The following NME5 variants were observed in gnomAD, a reference collection of about 807,000 sequenced individuals.
NME5 encodes the protein nucleoside diphosphate kinase 5.
Under a neutral mutation model 21.6 loss-of-function variants are expected in NME5, and 18 were observed. That is an observed-to-expected ratio of 0.83 (90% confidence interval 0.58 to 1.24). The LOEUF (loss-of-function observed/expected upper bound fraction) is 1.24, where lower values mean the gene tolerates loss of function less well. Among genes scored for constraint, NME5 ranks in the 50% most tolerant of loss-of-function variants. NME5 has a pLI of 0.00. For synonymous variants in NME5, 70 were observed against 80.6 expected, an observed-to-expected ratio of 0.87 and a Z score of 0.71; for missense variants, 223 against 255.4, an observed-to-expected ratio of 0.87 and a Z score of 0.86.
rs1160767525 is a variant in NME5, at chr5:138,115,726, G to C, written c.594C>G (p.Asn198Lys). 1 of 1,576,722 alleles carries C rather than the reference G, an allele frequency of 6.3e-7. No individual in the cohort carries two copies. Among genetic ancestry groups the C allele is most frequent in the Non-Finnish European group, 8.6e-7 (1 of 1,168,558 alleles). The change falls in exon 6 of 6, where the codon AAC (asparagine) becomes AAG (lysine). Residue 198 changes from asparagine to lysine, a missense_variant. By Grantham distance (94) the Asn-to-Lys change is moderately conservative (BLOSUM62 0). Coordinates refer to ENST00000265191, the MANE Select transcript of NME5 (RefSeq NM_003551.3). Reference protein sequence around the residue: ...LADWLLKNNPNKPKLCHHPIV... With the variant: ...LADWLLKNNPKKPKLCHHPIV... ...TTGGATGGTGACAAAGTTTGGGTTT[G>C]TTAGGATTATTTTTCAGCAGCCAAT...
chr5:138,127,268 G>T (rs79123488), intron 4 of NME5, among the ~76,000 whole-genome samples: 1 of 152,054 alleles, frequency 6.6e-6, no homozygotes, highest in Non-Finnish European at 1.5e-5. Context: ...GCATCAGGCC[G>T]TTACCGACCC....
intron 4 of NME5, among the ~76,000 whole-genome samples, chr5:138,126,861 C>A (rs903235920): frequency 5.3e-5 from 8 of 151,874 alleles, no homozygotes; most frequent in African/African-American, 1.9e-4. Context: ...GTGGGAGGAT[C>A]ACTTGAGCCC....
rs573603011 is a variant in NME5, at chr5:138,129,246, C to T, written c.335+17G>A. 3 of 1,583,024 alleles carry T rather than the reference C, an allele frequency of 1.9e-6. No individual in the cohort carries two copies. The highest frequency in any genetic ancestry group is 1.7e-4 in the Middle Eastern group (1 of 6,028). On this transcript the variant is annotated intron_variant, in intron 3 of 5. Transcript: ENST00000265191. ...ATGGATTCCATTCCCTGCCATCCCC[C>T]AAACCCTGAAAATTACCTGTCTGGA...
chr5:138,138,933 C>T, intron 1 of NME5, 148 bp from the exon 2 acceptor site: 1 of 730,792 alleles, frequency 1.4e-6, no homozygotes, highest in Non-Finnish European at 2.2e-6. Flanking sequence ...AAGGTAGAAA[C>T]TGCCATGTTT....
intron 4 of NME5, among the ~76,000 whole-genome samples, chr5:138,125,460 T>C (rs1400378728): frequency 6.6e-6 from 1 of 152,038 alleles, no homozygotes; most frequent in Non-Finnish European, 1.5e-5. Flanking sequence ...ACACCTGTAG[T>C]CCCAGCTACT....
chr5:138,132,020 C>T (rs1482063934), intron 2 of NME5, among the ~76,000 whole-genome samples: 2 of 152,312 alleles, frequency 1.3e-5, no homozygotes, highest in East Asian at 1.9e-4. Flanking sequence ...GCTGGGATTA[C>T]AGGTGTGAGC....
At chr5:138,133,018 T>A (rs1473382410) in intron 2 of NME5, among the ~76,000 whole-genome samples, 1 of 152,154 alleles carries the variant, frequency 6.6e-6, no homozygotes, top group East Asian at 1.9e-4. Flanking sequence ...ATCTGCCACT[T>A]GCCCCTTAAA....
intron 2 of NME5, 129 bp downstream of exon 2, chr5:138,138,523 T>C (rs1322055204): frequency 2.7e-6 from 2 of 749,148 alleles, no homozygotes; most frequent in Non-Finnish European, 4.3e-6. Context: ...ATAACTTTTA[T>C]ACTTAGAAGA....
In NME5 at chr5:138,128,497, G is replaced by A. The variant is rs566327243; in HGVS notation, c.418C>T (p.Arg140Cys). 2.2e-5 allele frequency: 36 copies of A among 1,612,534 alleles called. No individual in the cohort carries two copies. In the Admixed American group the frequency reaches 3.8e-4, roughly 17 times the overall value. Residue 140 changes from arginine (R) to cysteine (C), a missense_variant, in exon 4 of 6, where the codon CGT (arginine) becomes TGT (cysteine). Transcript: ENST00000265191. Reference protein sequence around the residue: ...NDFAAAEREIRFMFPEVIVEP... With the variant: ...NDFAAAEREICFMFPEVIVEP... ...AACTCACCTTCAGGAAACATAAAAC[G>A]TATTTCTCTTTCCGCAGCAGCAAAG... is the stretch of plus-strand genomic sequence containing the variant.
At chr5:138,126,510 C>CAAAAAAAAA (rs57938582) in intron 4 of NME5, among the ~76,000 whole-genome samples, 48 of 54,216 alleles carry the variant, frequency 8.9e-4, no homozygotes, top group Admixed American at 1.3e-3. Context: ...GAATCTATCT[C>CAAAAAAAAA]AAAAAAAAAA....
At chr5:138,120,284 A>G (rs1236236752) in intron 4 of NME5, among the ~76,000 whole-genome samples, 1 of 123,370 alleles carries the variant, frequency 8.1e-6, no homozygotes, top group African/African-American at 3.2e-5. Context: ...GCCAGGCTGG[A>G]GTGCAGTGCC....
chr5:138,124,870 T>A (rs1048965721), intron 4 of NME5, among the ~76,000 whole-genome samples: 1 of 152,142 alleles, frequency 6.6e-6, no homozygotes, highest in African/African-American at 2.4e-5. Context: ...TCATGTTTCT[T>A]ACATGGATGA....
chr5:138,115,436 G>T lies in NME5; in HGVS notation c.*245C>A. The T allele has an allele frequency of 3.4e-6, 1 of 294,400 alleles. No homozygotes were observed. Among genetic ancestry groups the T allele is most frequent in the Non-Finnish European group, 6.2e-6 (1 of 161,360 alleles). The allele number at this position is 294,400 out of a possible 1,614,324, so 18.2% of individuals were successfully genotyped here. ...AACTTAAGAAAAACAAAAACATCTA[G>T]CAACATCTTACATGAGTTTTCCATT... On this transcript the variant is annotated 3_prime_UTR_variant, in exon 6 of 6. Transcript: ENST00000265191.
At chr5:138,138,562 A>C in intron 2 of NME5, 90 bp downstream of exon 2, 2 of 1,075,010 alleles carry the variant, frequency 1.9e-6, no homozygotes, top group Non-Finnish European at 2.7e-6. Flanking sequence ...CTGAACACTA[A>C]GGGTTTAAAT....
At chr5:138,139,164 C>G (rs1232519794) in intron 1 of NME5, 1 of 178,518 alleles carries the variant, frequency 5.6e-6, no homozygotes, top group Non-Finnish European at 1.1e-5. Context: ...GGTGGGGGCT[C>G]GAGGGGACGG....
At chr5:138,138,517 C>A in intron 2 of NME5, 135 bp downstream of exon 2, 1 of 725,336 alleles carries the variant, frequency 1.4e-6, no homozygotes, top group South Asian at 1.9e-5. Context: ...TCACATATAA[C>A]TTTTATACTT....
chr5:138,135,790 T>C (rs915555389), intron 2 of NME5, among the ~76,000 whole-genome samples: 1 of 152,252 alleles, frequency 6.6e-6, no homozygotes, highest in Admixed American at 6.5e-5. Context: ...ATCCATTTCC[T>C]AATCTACTCA....
intron 2 of NME5, among the ~76,000 whole-genome samples, chr5:138,136,769 A>C (rs1751707654): frequency 6.6e-6 from 1 of 151,944 alleles, no homozygotes; most frequent in Non-Finnish European, 1.5e-5. Flanking sequence ...CAGCCTGCTG[A>C]GTAGCTGGGA....
At chr5:138,135,841 T>A (rs1261244794) in intron 2 of NME5, among the ~76,000 whole-genome samples, 3 of 152,244 alleles carry the variant, frequency 2.0e-5, no homozygotes, top group Non-Finnish European at 2.9e-5. Context: ...TTTAAATGTT[T>A]ATTTCCCCAG....
Sources: gnomAD v4.1 joint callset for allele counts (sites outside exome capture counted in the v4.1 genomes callset) on GRCh38, gnomAD v4.1.1 for gene constraint, MANE v1.5 for transcripts, NCBI Gene and HGNC (gene_info 2026-07-23, HGNC 2026-07-21) for gene names.